Variants in SNTB1 observed in about 807,000 individuals in gnomAD.
SNTB1 encodes beta-1-syntrophin.
Under a neutral mutation model 48.9 loss-of-function variants are expected in SNTB1, and 36 were observed. That is an observed-to-expected ratio of 0.74 (90% CI 0.56 to 0.97). SNTB1 has a LOEUF of 0.97. Ranked by LOEUF, SNTB1 falls within the 50% of genes least tolerant of loss-of-function variation. The probability of loss-of-function intolerance (pLI) is 0.00; values close to 1 mark genes in which losing one functional copy is unlikely to be tolerated. For synonymous variants in SNTB1, 299 were observed against 294.6 expected, an observed-to-expected ratio of 1.01 and a Z score of -0.15; for missense variants, 786 against 703.4, an observed-to-expected ratio of 1.12 and a Z score of -1.33.
At chr8:120,663,139 T>C (rs544266341) in intron 2 of SNTB1, among the ~76,000 whole-genome samples, 4 of 152,272 alleles carry the variant, frequency 2.6e-5, no homozygotes, top group African/African-American at 7.2e-5. Context: ...TAGGTCCAAG[T>C]ACTGGCTATG....
intron 2 of SNTB1, among the ~76,000 whole-genome samples, chr8:120,674,859 A>C (rs959089455): frequency 1.3e-5 from 2 of 152,220 alleles, no homozygotes; most frequent in African/African-American, 4.8e-5. Context: ...CTTGTCTAAA[A>C]AAAATCCTAG....
intron 3 of SNTB1, among the ~76,000 whole-genome samples, chr8:120,584,108 C>A (rs1816095236): frequency 6.6e-6 from 1 of 152,108 alleles, no homozygotes; most frequent in Admixed American, 6.6e-5. Flanking sequence ...GAGGTCAAGA[C>A]CAGCCTGGCC....
At chr8:120,771,364 T>C (rs903993644) in intron 1 of SNTB1, among the ~76,000 whole-genome samples, 6 of 152,206 alleles carry the variant, frequency 3.9e-5, no homozygotes, top group African/African-American at 1.4e-4. Flanking sequence ...AAAATAATTA[T>C]TCTGAAGAAA....
chr8:120,539,109 C>G, intron 6 of SNTB1, 140 bp from the exon 7 acceptor site: 1 of 609,100 alleles, frequency 1.6e-6, no homozygotes, highest in Non-Finnish European at 2.9e-6. Context: ...AAATCACTGC[C>G]CCTCAATGAG....
At chr8:120,697,199 C>G (rs1266673552) in intron 1 of SNTB1, among the ~76,000 whole-genome samples, 1 of 152,182 alleles carries the variant, frequency 6.6e-6, no homozygotes, top group African/African-American at 2.4e-5. Context: ...TGCCAAATAA[C>G]CCTTTCCTAT....
intron 1 of SNTB1, chr8:120,761,321 A>G (rs1239939455): frequency 6.6e-6 from 1 of 152,276 alleles, no homozygotes; most frequent in African/African-American, 2.4e-5. Context: ...CTACAGTTAC[A>G]GCAAACAATA....
intron 2 of SNTB1, among the ~76,000 whole-genome samples, chr8:120,678,489 C>G (rs532161204): frequency 2.6e-5 from 4 of 152,190 alleles, no homozygotes; most frequent in Admixed American, 2.6e-4. Flanking sequence ...TCCAGCTTGA[C>G]CAAAACCAAC....
intron 1 of SNTB1, among the ~76,000 whole-genome samples, chr8:120,723,799 G>A (rs1194584900): frequency 2.0e-5 from 3 of 152,174 alleles, no homozygotes; most frequent in Non-Finnish European, 4.4e-5. Context: ...AATGTGTTTA[G>A]AACCCCAGGA....
chr8:120,793,722 T>G (rs1252980237), intron 1 of SNTB1, among the ~76,000 whole-genome samples: 1 of 152,060 alleles, frequency 6.6e-6, no homozygotes, highest in African/African-American at 2.4e-5. Flanking sequence ...ACTAGTCAAA[T>G]ACAGGTCTTC....
At chr8:120,670,726 A>G (rs1408534948) in intron 2 of SNTB1, among the ~76,000 whole-genome samples, 1 of 152,222 alleles carries the variant, frequency 6.6e-6, no homozygotes, top group Non-Finnish European at 1.5e-5. Context: ...AAGGAGGGGC[A>G]AGATTTCAGT....
intron 1 of SNTB1, among the ~76,000 whole-genome samples, chr8:120,713,505 G>T (rs1023786296): frequency 6.6e-5 from 10 of 152,154 alleles, no homozygotes; most frequent in Non-Finnish European, 1.3e-4. Context: ...GTCAAGGTGG[G>T]TGGATTGCGA....
At chr8:120,627,166 T>C (rs1240823473) in intron 3 of SNTB1, among the ~76,000 whole-genome samples, 1 of 152,236 alleles carries the variant, frequency 6.6e-6, no homozygotes, top group African/African-American at 2.4e-5. Context: ...GTACATCTGC[T>C]AATTACATGG....
chr8:120,713,829 G>C (rs1274843718), intron 1 of SNTB1, among the ~76,000 whole-genome samples: 2 of 152,202 alleles, frequency 1.3e-5, no homozygotes, highest in Non-Finnish European at 2.9e-5. Context: ...TTATGTTGTG[G>C]TGTGTAATTA....
chr8:120,725,393 G>A (rs371073640), intron 1 of SNTB1, among the ~76,000 whole-genome samples: 13 of 152,166 alleles, frequency 8.5e-5, no homozygotes, highest in South Asian at 2.1e-4. Context: ...GATCACCTCC[G>A]AAATCAACTA....
intron 3 of SNTB1, among the ~76,000 whole-genome samples, chr8:120,620,683 T>G (rs1816780149): frequency 7.6e-6 from 1 of 131,290 alleles, no homozygotes; most frequent in South Asian, 2.7e-4. Flanking sequence ...AGGGATATTC[T>G]TGTGTTTTCA....
rs574978297 is a variant in SNTB1, at chr8:120,571,479, G to GT, written c.1136+3606dup. 4.5e-4 allele frequency: 75 copies of GT among 167,070 alleles called. 4 individuals carry two copies. The highest frequency in any genetic ancestry group is 7.5e-4 in the Middle Eastern group (1 of 1,338). 10.3% of individuals were successfully genotyped at this position (167,070 alleles called of 1,614,324 possible). A position where few individuals can be genotyped will look rare whatever the true frequency, so the allele number is the denominator to read the frequency against. On this transcript the variant is annotated intron_variant, in intron 4 of 6. Coordinates refer to ENST00000517992, the MANE Select transcript of SNTB1 (RefSeq NM_021021.4). ...GATGTTTACATTCTGACTATTGAGG[G>GT]TTTTTTTTTTTTTTTTTTTTTTTTT... is the stretch of plus-strand genomic sequence containing the variant.
intron 3 of SNTB1, among the ~76,000 whole-genome samples, chr8:120,578,589 T>C (rs145744838): frequency 3.3e-5 from 5 of 152,164 alleles, no homozygotes; most frequent in African/African-American, 1.2e-4. Context: ...AGATTTCTAA[T>C]GAAGAAGGTG....
At chr8:120,706,454 T>C (rs1429988214) in intron 1 of SNTB1, among the ~76,000 whole-genome samples, 2 of 152,124 alleles carry the variant, frequency 1.3e-5, no homozygotes, top group Non-Finnish European at 2.9e-5. Flanking sequence ...ACACGAAAAG[T>C]AGTCTAAAGT....
At chr8:120,708,863 A>G (rs1431051885) in intron 1 of SNTB1, among the ~76,000 whole-genome samples, 1 of 152,164 alleles carries the variant, frequency 6.6e-6, no homozygotes, top group African/African-American at 2.4e-5. Context: ...CCAAATTGAC[A>G]TCAAGCATTC....
Sources: gnomAD v4.1 joint callset for allele counts (sites outside exome capture counted in the v4.1 genomes callset) on GRCh38, gnomAD v4.1.1 for gene constraint, MANE v1.5 for transcripts, NCBI Gene and HGNC (gene_info 2026-07-23, HGNC 2026-07-21) for gene names.